The following HECW2 variants were observed in gnomAD, a reference collection of about 807,000 sequenced individuals.
HECW2 encodes HECT, C2 and WW domain containing E3 ubiquitin protein ligase 2, also known as E3 ubiquitin-protein ligase HECW2.
In HECW2, 61 loss-of-function variants were observed where a neutral mutation model predicts 175.2. That is an observed-to-expected ratio of 0.35 (90% confidence interval 0.28 to 0.43). HECW2 has a LOEUF of 0.43. Ranked by LOEUF, HECW2 falls within the 20% of genes least tolerant of loss-of-function variation. The pLI is 1.00. For synonymous variants in HECW2, 671 were observed against 731.0 expected (o/e 0.92, Z 1.32); for missense variants, 1,524 against 2,000.5 (o/e 0.76, Z 4.54).
At chr2:196,493,361 C>T (rs949152946) in intron 1 of HECW2, 1 of 152,116 alleles carries the variant, frequency 6.6e-6, no homozygotes, top group African/African-American at 2.4e-5. Context: ...GGCTCAGAGA[C>T]CCTGTACTGA....
At chr2:196,584,896 T>C (rs1467478347) in intron 1 of HECW2, among the ~76,000 whole-genome samples, 1 of 152,226 alleles carries the variant, frequency 6.6e-6, no homozygotes, top group Middle Eastern at 3.2e-3. Flanking sequence ...TTGTTGCTTA[T>C]GAAATATTTA....
chr2:196,428,898 C>G (rs896938226), intron 2 of HECW2, among the ~76,000 whole-genome samples: 2 of 152,144 alleles, frequency 1.3e-5, no homozygotes, highest in South Asian at 2.1e-4. Context: ...TGACTTAAAC[C>G]AAGAGAAGAA....
At chr2:196,558,647 G>C (rs181554740) in intron 1 of HECW2, among the ~76,000 whole-genome samples, 1 of 152,324 alleles carries the variant, frequency 6.6e-6, no homozygotes, top group African/African-American at 2.4e-5. Flanking sequence ...CGTATCCCTT[G>C]TGTAAAATGG....
At chr2:196,521,880 C>G (rs1442841612) in intron 1 of HECW2, among the ~76,000 whole-genome samples, 5 of 150,344 alleles carry the variant, frequency 3.3e-5, no homozygotes, top group Admixed American at 6.6e-5. Flanking sequence ...TCCAGTCTAT[C>G]ATTGTTGGAC....
At chr2:196,528,434 G>A (rs529439443) in intron 1 of HECW2, among the ~76,000 whole-genome samples, 2 of 152,134 alleles carry the variant, frequency 1.3e-5, no homozygotes, top group South Asian at 4.2e-4. Flanking sequence ...AACATACTTG[G>A]CCTCACCTAT....
At chr2:196,352,727 C>T (rs1390583109) in intron 2 of HECW2, among the ~76,000 whole-genome samples, 1 of 152,098 alleles carries the variant, frequency 6.6e-6, no homozygotes, top group Non-Finnish European at 1.5e-5. Context: ...GGAGGCTCTG[C>T]TCAGCAACTT....
intron 13 of HECW2, among the ~76,000 whole-genome samples, chr2:196,304,450 TACA>T (rs1691186635): frequency 1.3e-5 from 2 of 152,240 alleles, no homozygotes; most frequent in Admixed American, 6.5e-5. Flanking sequence ...CACACCACAC[TACA>T]GTACCTGCAT....
At chr2:196,329,491 G>A (rs931412859) in intron 5 of HECW2, 84 bp downstream of exon 5, 15 of 1,110,016 alleles carry the variant, frequency 1.4e-5, no homozygotes, top group South Asian at 3.9e-5. Flanking sequence ...TATCATATAC[G>A]AAAGTCTGCA....
intron 10 of HECW2, among the ~76,000 whole-genome samples, chr2:196,315,586 G>A (rs1691664173): frequency 1.3e-5 from 2 of 152,160 alleles, no homozygotes; most frequent in Non-Finnish European, 2.9e-5. Context: ...TAAATACCAT[G>A]AGTCACTAAG....
intron 1 of HECW2, among the ~76,000 whole-genome samples, chr2:196,437,611 C>CAA (rs59563276): frequency 0.074 from 4,116 of 55,830 alleles, 656 homozygotes; most frequent in African/African-American, 0.24. Context: ...GACTCTGTCT[C>CAA]AAAAAAAAAA....
chr2:196,227,802 T>A (rs1687908106), intron 22 of HECW2, among the ~76,000 whole-genome samples: 1 of 152,204 alleles, frequency 6.6e-6, no homozygotes, highest in Admixed American at 6.5e-5. Flanking sequence ...TATAGGGATC[T>A]CACCAGGAAC....
chr2:196,257,891 A>G lies in HECW2; in HGVS notation c.3351T>C (p.Phe1117=), dbSNP rs1575308892. 4.3e-6 allele frequency: 7 copies of G among 1,613,670 alleles called. No individual in the cohort carries two copies. The highest frequency in any genetic ancestry group is 5.9e-6 in the Non-Finnish European group (7 of 1,179,550). The part of the protein sequence containing the change: ...RNHSLREKIQ[F]IRTEGTPGLV... ...ATCCTGGAGTCCCTTCAGTTCGGAT[A>G]AATTGGATCTTCTCCCTAATCAAGA... Residue 1117 remains phenylalanine (F), a synonymous_variant, in exon 18 of 29, where the codon TTT becomes TTC. Coordinates refer to ENST00000644978, the MANE Select transcript of HECW2 (RefSeq NM_001348768.2).
At chr2:196,513,769 C>T (rs1239786998) in intron 1 of HECW2, among the ~76,000 whole-genome samples, 6 of 152,226 alleles carry the variant, frequency 3.9e-5, no homozygotes, top group African/African-American at 9.6e-5. Context: ...ATCATCCACA[C>T]CAGTGGTGCT....
intron 1 of HECW2, among the ~76,000 whole-genome samples, chr2:196,544,015 ATG>A (rs1689318372): frequency 6.6e-6 from 1 of 152,236 alleles, no homozygotes; most frequent in African/African-American, 2.4e-5. Flanking sequence ...AGGCAGTCCC[ATG>A]TTTCCACATT....
rs560973237 is a variant in HECW2, at chr2:196,194,356, G to T, written c.*6921C>A. Reference sequence around the variant, plus strand: ...GTTTTCCCTCCCCAAAAGTATTACAGAAAAGTCATAATCTATTTTTTTTAA... The same window carrying T: ...GTTTTCCCTCCCCAAAAGTATTACATAAAAGTCATAATCTATTTTTTTTAA... On this transcript the variant is annotated 3_prime_UTR_variant, in exon 29 of 29. Coordinates refer to ENST00000644978, the MANE Select transcript of HECW2 (RefSeq NM_001348768.2). 2 of 151,900 alleles carry T rather than the reference G, an allele frequency of 1.3e-5. No individual in the cohort carries two copies. Among genetic ancestry groups the T allele is most frequent in the Admixed American group, 1.3e-4 (2 of 15,252 alleles). The allele number at this position is 151,900 out of a possible 1,614,324, so 9.4% of individuals were successfully genotyped here.
chr2:196,291,454 T>C (rs532292863), intron 14 of HECW2: 1 of 152,340 alleles, frequency 6.6e-6, no homozygotes, highest in African/African-American at 2.4e-5. Context: ...AGAATGACAG[T>C]TCTACAAAGT....
At chr2:196,566,699 ATTTTTTTTTT>A (rs58391487) in intron 1 of HECW2, among the ~76,000 whole-genome samples, 3 of 94,206 alleles carry the variant, frequency 3.2e-5, no homozygotes, top group African/African-American at 1.2e-4. Context: ...CACCCAGCTA[ATTTTTTTTTT>A]TTTTTTTTTT....
intron 2 of HECW2, among the ~76,000 whole-genome samples, chr2:196,400,717 A>G (rs954130122): frequency 8.5e-5 from 13 of 152,056 alleles, no homozygotes; most frequent in Non-Finnish European, 1.5e-4. Flanking sequence ...ATATTCTTAT[A>G]AAGATGCTTT....
intron 2 of HECW2, among the ~76,000 whole-genome samples, chr2:196,356,721 C>T (rs921920600): frequency 1.3e-5 from 2 of 152,302 alleles, no homozygotes; most frequent in Admixed American, 6.5e-5. Flanking sequence ...GAGAGAGAGA[C>T]CACATTCACC....
Sources: allele counts gnomAD v4.1 joint callset (sites outside exome capture counted in the v4.1 genomes callset), GRCh38; gene constraint gnomAD v4.1.1; transcripts MANE v1.5; gene names NCBI Gene and HGNC (gene_info 2026-07-23, HGNC 2026-07-21).